Variants in PLEKHA5 observed in about 807,000 individuals in gnomAD.
The protein encoded by PLEKHA5 is pleckstrin homology domain-containing family A member 5.
Under a neutral mutation model 181.9 loss-of-function variants are expected in PLEKHA5, and 55 were observed. The ratio of observed to expected loss-of-function variants is 0.30; its 90% confidence interval spans 0.24 to 0.38. The LOEUF (loss-of-function observed/expected upper bound fraction) is 0.38, where lower values mean the gene tolerates loss of function less well. PLEKHA5 is among the 10% of genes least tolerant of loss of function. PLEKHA5 has a pLI of 1.00. For synonymous variants in PLEKHA5, 535 were observed against 529.4 expected, an observed-to-expected ratio of 1.01 and a Z score of -0.15; for missense variants, 1,432 against 1,549.5, an observed-to-expected ratio of 0.92 and a Z score of 1.27.
intron 15 of PLEKHA5, among the ~76,000 whole-genome samples, chr12:19,312,367 C>G (rs927645937): frequency 2.0e-5 from 3 of 152,194 alleles, no homozygotes; most frequent in African/African-American, 7.2e-5. Context: ...TATGAAAGTC[C>G]TAGGTGGCAT....
At chr12:19,248,240 C>G (rs1278852638) in intron 3 of PLEKHA5, among the ~76,000 whole-genome samples, 1 of 152,084 alleles carries the variant, frequency 6.6e-6, no homozygotes, top group Non-Finnish European at 1.5e-5. Flanking sequence ...GTTTTTTGCC[C>G]AGACTTTAGT....
chr12:19,138,562 G>T (rs1363818399), intron 3 of PLEKHA5, among the ~76,000 whole-genome samples: 3 of 146,314 alleles, frequency 2.1e-5, no homozygotes, highest in East Asian at 4.0e-4. Flanking sequence ...GACAGAGTAA[G>T]ACTCTGTCTC....
chr12:19,213,355 CAA>C (rs375190368), intron 3 of PLEKHA5, among the ~76,000 whole-genome samples: 33 of 151,984 alleles, frequency 2.2e-4, no homozygotes, highest in African/African-American at 7.7e-4. Context: ...GCACTCTAGA[CAA>C]GAGTGAACAG....
rs112116085 is a variant in PLEKHA5 at position 19,208,206 on chromosome 12, G to A, written c.228-45734G>A. Among the ~76,000 whole-genome samples, 1,388 of 152,000 alleles carry A rather than the reference G, an allele frequency of 9.1e-3. 25 individuals carry two copies. Among genetic ancestry groups the A allele is most frequent in the African/African-American group, 0.031 (1,305 of 41,458 alleles). On this transcript the variant is annotated intron_variant, in intron 3 of 31. Transcript: ENST00000429027. ...GTGGATCACCTGAGGTCAAGAGTTC[G>A]AGACCAGCCTGGCCAACATGGTGAA...
intron 11 of PLEKHA5, among the ~76,000 whole-genome samples, chr12:19,277,978 A>G (rs2075064340): frequency 6.6e-6 from 1 of 152,190 alleles, no homozygotes; most frequent in African/African-American, 2.4e-5. Flanking sequence ...AATCTGATGT[A>G]GGAGCTTAGA....
At chr12:19,256,428 T>G (rs2066894393) in intron 5 of PLEKHA5, among the ~76,000 whole-genome samples, 1 of 152,176 alleles carries the variant, frequency 6.6e-6, no homozygotes, top group Non-Finnish European at 1.5e-5. Context: ...GGCACACACA[T>G]ACAGTGATAT....
chr12:19,132,268 A>G lies in PLEKHA5; in HGVS notation c.170-125A>G, dbSNP rs898913610. The G allele has an allele frequency of 6.3e-6, 4 of 634,556 alleles. No individual in the cohort carries two copies. In the African/African-American group the frequency reaches 7.5e-5, roughly 12 times the overall value. 39.3% of individuals were successfully genotyped at this position (634,556 alleles called of 1,614,324 possible). A position where few individuals can be genotyped will look rare whatever the true frequency, so the allele number is the denominator to read the frequency against. ...ATATCTGTTGTATTGCCAGCTCAAC[A>G]CTTTTTTTGTTAGTAATCTACTTAA... is the stretch of plus-strand genomic sequence containing the variant. On this transcript the variant is annotated intron_variant, in intron 2 of 31. Transcript: ENST00000429027.
At chr12:19,285,067 AAGATTAAT>A (rs1377062983) in intron 12 of PLEKHA5, among the ~76,000 whole-genome samples, 1 of 152,244 alleles carries the variant, frequency 6.6e-6, no homozygotes, top group Non-Finnish European at 1.5e-5. Context: ...AGCATTTGTT[AAGATTAAT>A]AGATTAATCA....
At chr12:19,302,906 A>AATTTT (rs2081983804) in intron 15 of PLEKHA5, among the ~76,000 whole-genome samples, 3 of 53,966 alleles carry the variant, frequency 5.6e-5, no homozygotes, top group East Asian at 7.8e-4. Flanking sequence ...TCTGTATGAA[A>AATTTT]TTTTTTTTTT....
chr12:19,361,636 G>A lies in PLEKHA5; in HGVS notation c.3538G>A (p.Gly1180Arg). 2 of 1,572,698 alleles carry A rather than the reference G, an allele frequency of 1.3e-6. No individual in the cohort carries two copies. Among genetic ancestry groups the A allele is most frequent in the Non-Finnish European group, 1.7e-6 (2 of 1,145,914 alleles). The change falls in exon 29 of 32, where the codon GGA becomes AGA. Residue 1180 changes from glycine (G) to arginine (R), a missense_variant. Physicochemically the swap from Gly to Arg is moderately radical, Grantham distance 125. Transcript: ENST00000429027. ...YEMLFEPEPN[G>R]VNSVEMMDKE... ...AATGCTTTTTGAACCTGAGCCAAAT[G>A]GAGTAAATTCTGTGGAAATGATGGA...
chr12:19,269,633 ATC>A, intron 8 of PLEKHA5, 135 bp from the exon 9 acceptor site: 1 of 511,536 alleles, frequency 2.0e-6, no homozygotes, highest in South Asian at 3.5e-5. Context: ...TCATTTCCAT[ATC>A]TCAGGTAAAA....
At chr12:19,348,593 T>G in intron 25 of PLEKHA5, 74 bp downstream of exon 25, 1 of 1,190,556 alleles carries the variant, frequency 8.4e-7, no homozygotes, top group Non-Finnish European at 1.2e-6. Context: ...TAGTAGTAAA[T>G]TCCATTTACA....
At chr12:19,290,859 AGTCAATATGATC>A in intron 14 of PLEKHA5, 63 bp downstream of exon 14, 1 of 1,421,382 alleles carries the variant, frequency 7.0e-7, no homozygotes, top group Non-Finnish European at 9.5e-7. Flanking sequence ...AACACTCATC[AGTCAATATGATC>A]AGCATCATTA....
At chr12:19,203,566 G>A (rs1427880053) in intron 3 of PLEKHA5, among the ~76,000 whole-genome samples, 2 of 151,780 alleles carry the variant, frequency 1.3e-5, no homozygotes, top group East Asian at 1.9e-4. Context: ...TATTCACCTG[G>A]GCATTTCAGA....
intron 12 of PLEKHA5, among the ~76,000 whole-genome samples, chr12:19,284,797 G>C (rs2076888922): frequency 2.0e-5 from 3 of 152,012 alleles, no homozygotes; most frequent in Admixed American, 2.0e-4. Flanking sequence ...ACCGGACATA[G>C]TGGCTCACAC....
chr12:19,247,951 G>C (rs1225356121), intron 3 of PLEKHA5, among the ~76,000 whole-genome samples: 1 of 150,842 alleles, frequency 6.6e-6, no homozygotes, highest in Non-Finnish European at 1.5e-5. Flanking sequence ...GAGAGAGAGA[G>C]AGACAAGGTC....
chr12:19,336,765 T>C, intron 21 of PLEKHA5, 149 bp downstream of exon 21: 2 of 567,872 alleles, frequency 3.5e-6, no homozygotes, highest in Non-Finnish European at 6.2e-6. Flanking sequence ...GACAGGAATC[T>C]TACTATCTCA....
At chr12:19,173,005 C>CTTTTTTTTTTTTTTTTTTTTTTTT (rs71064064) in intron 3 of PLEKHA5, among the ~76,000 whole-genome samples, 1 of 33,550 alleles carries the variant, frequency 3.0e-5, no homozygotes, top group African/African-American at 1.1e-4. Context: ...ATTTCCCTTT[C>CTTTTTTTTTTTTTTTTTTTTTTTT]TTTTTTTTTT....
intron 3 of PLEKHA5, among the ~76,000 whole-genome samples, chr12:19,229,451 C>G (rs2060143337): frequency 6.6e-6 from 1 of 152,066 alleles, no homozygotes; most frequent in Non-Finnish European, 1.5e-5. Flanking sequence ...AGTGAAGCTG[C>G]AGACCTTCGC....
Sources: allele counts gnomAD v4.1 joint callset (sites outside exome capture counted in the v4.1 genomes callset), GRCh38; gene constraint gnomAD v4.1.1; transcripts MANE v1.5; gene names NCBI Gene and HGNC (gene_info 2026-07-23, HGNC 2026-07-21).